Variants in SOCS5 observed in about 807,000 individuals in gnomAD.
SOCS5 encodes the protein suppressor of cytokine signaling 5, also known as CIS-6.
A neutral mutation model predicts 42.8 loss-of-function variants in SOCS5; 32 were observed. That is an observed-to-expected ratio of 0.75 (90% CI 0.56 to 1.01). The LOEUF (loss-of-function observed/expected upper bound fraction) is 1.01, where lower values mean the gene tolerates loss of function less well. SOCS5 is among the 50% of genes least tolerant of loss of function. The pLI is 0.00. For synonymous variants in SOCS5, 283 were observed against 229.6 expected, an observed-to-expected ratio of 1.23 and a Z score of -2.10; for missense variants, 627 against 653.0, an observed-to-expected ratio of 0.96 and a Z score of 0.43.
At chr2:46,709,817 T>C (rs903033865) in intron 1 of SOCS5, among the ~76,000 whole-genome samples, 2 of 152,222 alleles carry the variant, frequency 1.3e-5, no homozygotes, top group Non-Finnish European at 2.9e-5. Flanking sequence ...ACAACTGTTA[T>C]AGTTTATGAT....
At chr2:46,721,441 A>G (rs969344732) in intron 1 of SOCS5, among the ~76,000 whole-genome samples, 9 of 152,196 alleles carry the variant, frequency 5.9e-5, no homozygotes, top group Non-Finnish European at 1.2e-4. Context: ...TTTTAATTGC[A>G]CCAAATTTTA....
At chr2:46,712,663 G>A (rs1672653043) in intron 1 of SOCS5, among the ~76,000 whole-genome samples, 1 of 152,148 alleles carries the variant, frequency 6.6e-6, no homozygotes, top group African/African-American at 2.4e-5. Context: ...CTTAAAAAAT[G>A]AGTCTGCACT....
intron 1 of SOCS5, among the ~76,000 whole-genome samples, chr2:46,707,706 G>A (rs865920323): frequency 3.9e-5 from 6 of 152,188 alleles, no homozygotes; most frequent in South Asian, 2.1e-4. Context: ...GTCATAAAGA[G>A]AATAGTCTGG....
intron 1 of SOCS5, among the ~76,000 whole-genome samples, chr2:46,755,025 A>G (rs1436353108): frequency 6.6e-6 from 1 of 152,116 alleles, no homozygotes; most frequent in South Asian, 2.1e-4. Flanking sequence ...TAATCAGTCT[A>G]CCTGTCCCAA....
chr2:46,736,842 ATTTT>A (rs113762422), intron 1 of SOCS5, among the ~76,000 whole-genome samples: 52 of 147,266 alleles, frequency 3.5e-4, no homozygotes, highest in Admixed American at 1.1e-3. Context: ...TGGATTTCAG[ATTTT>A]TTTTTTTTTA....
chr2:46,707,424 G>C (rs1672520695), intron 1 of SOCS5, among the ~76,000 whole-genome samples: 1 of 152,162 alleles, frequency 6.6e-6, no homozygotes, highest in Non-Finnish European at 1.5e-5. Flanking sequence ...TAGTATAAGA[G>C]CGCTCATAAA....
rs1211983249 is a variant in SOCS5 at position 46,759,284 on chromosome 2, C to G, written c.754C>G (p.Pro252Ala). Reference protein sequence around the residue: ...PHSTFFDTFDPSLVSTEDEED... With the variant: ...PHSTFFDTFDASLVSTEDEED... The stretch of plus-strand genomic sequence containing the variant: ...TTCAACATTTTTTGATACATTTGAT[C>G]CATCTTTGGTTTCTACAGAAGATGA... The change falls in exon 2 of 2, where the codon CCA (proline) becomes GCA (alanine). Residue 252 changes from proline (P) to alanine (A), a missense_variant. Coordinates refer to ENST00000394861, the MANE Select transcript of SOCS5 (RefSeq NM_144949.3). 1 of 1,613,974 alleles carries G rather than the reference C, an allele frequency of 6.2e-7. No homozygotes were observed. The highest frequency in any genetic ancestry group is 1.1e-5 in the South Asian group (1 of 91,080).
chr2:46,707,606 T>G (rs1052746333), intron 1 of SOCS5, among the ~76,000 whole-genome samples: 6 of 152,202 alleles, frequency 3.9e-5, no homozygotes, highest in Admixed American at 6.5e-5. Flanking sequence ...GGGTTTTGTA[T>G]GTAGCCATAT....
At chr2:46,718,555 G>A (rs1428544074) in intron 1 of SOCS5, among the ~76,000 whole-genome samples, 4 of 152,024 alleles carry the variant, frequency 2.6e-5, no homozygotes, top group Admixed American at 6.6e-5. Flanking sequence ...CTACTCAGAA[G>A]GATAATTATT....
intron 1 of SOCS5, among the ~76,000 whole-genome samples, chr2:46,756,814 C>T (rs774672425): frequency 7.2e-5 from 11 of 151,950 alleles, no homozygotes; most frequent in African/African-American, 1.7e-4. Context: ...GGGCAAGGAA[C>T]GGAAATCTTA....
rs556872716 is a variant in SOCS5, at chr2:46,703,886, T to G, written c.-13+4437T>G. Among the ~76,000 whole-genome samples the G allele has an allele frequency of 6.6e-5, 10 of 152,324 alleles. No individual in the cohort carries two copies. The East Asian group carries it at 1.7e-3, about 26-fold the overall frequency. On this transcript the variant is annotated intron_variant, in intron 1 of 1. Coordinates refer to ENST00000394861, the MANE Select transcript of SOCS5 (RefSeq NM_144949.3). Reference sequence around the variant, plus strand: ...CTTTTGAATCTGGTTAGAGCAGAAGTAATCTTGAAAGGGTAATTAGGCTGG... The same window carrying G: ...CTTTTGAATCTGGTTAGAGCAGAAGGAATCTTGAAAGGGTAATTAGGCTGG...
At chr2:46,744,212 ACTCTTGAC>A (rs778685097) in intron 1 of SOCS5, among the ~76,000 whole-genome samples, 2 of 151,758 alleles carry the variant, frequency 1.3e-5, no homozygotes, top group African/African-American at 2.4e-5. Context: ...CAGATTGTGA[ACTCTTGAC>A]CTCAAGTGAT....
intron 1 of SOCS5, among the ~76,000 whole-genome samples, chr2:46,751,458 T>G (rs1346599667): frequency 3.3e-5 from 5 of 152,134 alleles, no homozygotes; most frequent in Non-Finnish European, 7.4e-5. Context: ...TGCAAGTGTT[T>G]TTTTTTATTA....
intron 1 of SOCS5, among the ~76,000 whole-genome samples, chr2:46,736,198 T>C (rs1407699958): frequency 2.0e-5 from 3 of 151,988 alleles, no homozygotes; most frequent in Non-Finnish European, 4.4e-5. Flanking sequence ...TGTGCCACCA[T>C]GCCCAGCTAA....
intron 1 of SOCS5, among the ~76,000 whole-genome samples, chr2:46,745,390 CACT>C (rs1297939969): frequency 6.6e-6 from 1 of 152,180 alleles, no homozygotes; most frequent in Non-Finnish European, 1.5e-5. Context: ...TTGTAGCTGA[CACT>C]ACATTTACAT....
intron 1 of SOCS5, among the ~76,000 whole-genome samples, chr2:46,738,950 GAATA>G (rs1673311579): frequency 6.6e-6 from 1 of 152,080 alleles, no homozygotes; most frequent in Non-Finnish European, 1.5e-5. Flanking sequence ...GAACATCTTG[GAATA>G]AACATTGTGG....
intron 1 of SOCS5, among the ~76,000 whole-genome samples, chr2:46,732,874 G>A (rs926987919): frequency 3.3e-5 from 5 of 152,084 alleles, no homozygotes; most frequent in Non-Finnish European, 7.4e-5. Context: ...AGGGCCATGC[G>A]AGTTAGTCTT....
Position 46,758,765 on chromosome 2 carries a change from A to G in SOCS5, c.235A>G (p.Asn79Asp). 1 of 1,614,224 alleles carries G rather than the reference A, an allele frequency of 6.2e-7. No homozygotes were observed. Among genetic ancestry groups the G allele is most frequent in the Non-Finnish European group, 8.5e-7 (1 of 1,180,030 alleles). ...LSPSKNSSRR[N>D]QNCATEIPQI... ...CCCTTCGAAGAATTCTTCAAGGAGA[A>G]ATCAAAATTGTGCCACAGAAATCCC... The change falls in exon 2 of 2, where the codon AAT (asparagine) becomes GAT (aspartate). Residue 79 changes from asparagine (N) to aspartate (D), a missense_variant. Asn to Asp is a conservative substitution (Grantham distance 23, BLOSUM62 1). Transcript: ENST00000394861.
At chr2:46,710,881 G>C (rs1017294700) in intron 1 of SOCS5, among the ~76,000 whole-genome samples, 1 of 152,120 alleles carries the variant, frequency 6.6e-6, no homozygotes, top group African/African-American at 2.4e-5. Flanking sequence ...TCACTGTTCT[G>C]ATTTATTTCA....
Sources: gnomAD v4.1 joint callset for allele counts (sites outside exome capture counted in the v4.1 genomes callset) on GRCh38, gnomAD v4.1.1 for gene constraint, MANE v1.5 for transcripts, NCBI Gene and HGNC (gene_info 2026-07-23, HGNC 2026-07-21) for gene names.